SCAND3: variants seen among roughly 807,000 people sequenced by gnomAD.
SCAND3 encodes the protein SCAN domain containing 3.
chr6:28,572,421 A>G, the SCAND3 span: 9 of 1,613,362 alleles, frequency 5.6e-6, no homozygotes, highest in African/African-American at 2.7e-5. The surrounding 1 kb of genome is among the most constrained non-coding windows in gnomAD (Gnocchi z 4.1). Context: ...TTGTTAAATT[A>G]TGAAACATGT....
the SCAND3 span, chr6:28,590,822 A>C: frequency 2.0e-5 from 3 of 152,190 alleles, no homozygotes; most frequent in Non-Finnish European, 4.4e-5. Flanking sequence ...TGAAAGCATT[A>C]TTTTGGCTCC....
chr6:28,597,063 G>T, the SCAND3 span, among the ~76,000 whole-genome samples: 1 of 152,096 alleles, frequency 6.6e-6, no homozygotes, highest in Non-Finnish European at 1.5e-5. Context: ...TATATTTCTT[G>T]CCCTTAAGAA....
At chr6:28,597,691 TG>T in the SCAND3 span, 88,579 of 152,028 alleles carry the variant, frequency 0.58, 28,475 homozygotes, top group African/African-American at 0.86. Context: ...CTGGAATGCA[TG>T]GGACATAGGA....
At chr6:28,601,185 A>G in the SCAND3 span, among the ~76,000 whole-genome samples, 1 of 152,144 alleles carries the variant, frequency 6.6e-6, no homozygotes, top group Non-Finnish European at 1.5e-5. Context: ...GATTACAGGC[A>G]TGAGCCACGG....
At chr6:28,576,385 G>A in the SCAND3 span, among the ~76,000 whole-genome samples, 2 of 151,544 alleles carry the variant, frequency 1.3e-5, no homozygotes, top group East Asian at 1.9e-4. Flanking sequence ...TCAGCCTCCC[G>A]AGTAGCTGGG....
chr6:28,615,584 G>A, the SCAND3 span, among the ~76,000 whole-genome samples: 1 of 127,332 alleles, frequency 7.9e-6, no homozygotes, highest in Non-Finnish European at 1.6e-5. Flanking sequence ...CTAGGCAACA[G>A]AGAGAGACTC....
the SCAND3 span, chr6:28,573,604 C>T: frequency 6.2e-7 from 1 of 1,613,212 alleles, no homozygotes; most frequent in Non-Finnish European, 8.5e-7. Flanking sequence ...TACATCTCCA[C>T]AAATAATACA....
chr6:28,597,275 A>G, the SCAND3 span, among the ~76,000 whole-genome samples: 1 of 152,326 alleles, frequency 6.6e-6, no homozygotes, highest in African/African-American at 2.4e-5. Flanking sequence ...TCTACCAAAG[A>G]TAAACGCTAA....
chr6:28,605,603 G>A, the SCAND3 span, among the ~76,000 whole-genome samples: 2 of 151,552 alleles, frequency 1.3e-5, no homozygotes, highest in Non-Finnish European at 2.9e-5. Flanking sequence ...GGAGGCTGAG[G>A]CGGGCGGATC....
chr6:28,612,050 T>C, the SCAND3 span, among the ~76,000 whole-genome samples: 11 of 152,026 alleles, frequency 7.2e-5, no homozygotes, highest in South Asian at 8.3e-4. Context: ...GTTGTTTTTT[T>C]TTTTGAGATG....
chr6:28,594,854 T>C, the SCAND3 span, among the ~76,000 whole-genome samples: 8 of 151,826 alleles, frequency 5.3e-5, no homozygotes, highest in Non-Finnish European at 1.0e-4. Flanking sequence ...AATAGAGAGA[T>C]TAGAATAATG....
chr6:28,581,488 A>G, the SCAND3 span, among the ~76,000 whole-genome samples: 9,053 of 152,288 alleles, frequency 0.059, 621 homozygotes, highest in African/African-American at 0.16. Context: ...TTTTTGTTAC[A>G]TAACAAGAAG....
chr6:28,586,470 G>T, the SCAND3 span: 1 of 1,614,094 alleles, frequency 6.2e-7, no homozygotes, highest in African/African-American at 1.3e-5. This position sits in a 1 kb window ranked among gnomAD's most constrained non-coding sequence, Gnocchi z 4.4. Flanking sequence ...ATGTATCTCT[G>T]GGTTCAGCCA....
chr6:28,586,195 CA>C, the SCAND3 span: 2 of 927,652 alleles, frequency 2.2e-6, no homozygotes, highest in Non-Finnish European at 3.3e-6. This position sits in a 1 kb window ranked among gnomAD's most constrained non-coding sequence, Gnocchi z 4.4. Flanking sequence ...AATAATGCCC[CA>C]AACCAGGGTT....
At chr6:28,573,677 C>T in the SCAND3 span, 3 of 1,611,286 alleles carry the variant, frequency 1.9e-6, no homozygotes, top group Non-Finnish European at 2.5e-6. Flanking sequence ...TATGAAGGAT[C>T]ATATTTCCGA....
At chr6:28,589,370 C>T in the SCAND3 span, 4 of 152,190 alleles carry the variant, frequency 2.6e-5, no homozygotes, top group East Asian at 1.9e-4. Context: ...CTACTGTACC[C>T]TTGTGGTTGG....
chr6:28,608,808 G>A, the SCAND3 span, among the ~76,000 whole-genome samples: 27 of 152,194 alleles, frequency 1.8e-4, no homozygotes, highest in South Asian at 2.5e-3. Flanking sequence ...AGACCAGCCT[G>A]GGCAACATAG....
At chr6:28,583,051 CAA>C in the SCAND3 span, among the ~76,000 whole-genome samples, 1 of 151,832 alleles carries the variant, frequency 6.6e-6, no homozygotes, top group Admixed American at 6.6e-5. Context: ...TTGTTAGAAA[CAA>C]GTGTGAGGAA....
chr6:28,589,593 G>GA, the SCAND3 span: 1 of 152,196 alleles, frequency 6.6e-6, no homozygotes. Flanking sequence ...ATCCAAGCAT[G>GA]AAAGTACCAA....
Sources: allele counts gnomAD v4.1 joint callset (sites outside exome capture counted in the v4.1 genomes callset), GRCh38; gene constraint gnomAD v4.1.1; non-coding constraint Gnocchi (gnomAD v3.1); transcripts MANE v1.5; gene names NCBI Gene and HGNC (gene_info 2026-07-23, HGNC 2026-07-21).